Variants in KIF18B observed in about 807,000 individuals in gnomAD.
KIF18B encodes the protein kinesin-like protein KIF18B.
Under a neutral mutation model 80.9 loss-of-function variants are expected in KIF18B, and 49 were observed. The ratio of observed to expected loss-of-function variants is 0.61; its 90% CI spans 0.48 to 0.77. The LOEUF is 0.77. Ranked by LOEUF, KIF18B falls within the 30% of genes least tolerant of loss-of-function variation. KIF18B has a pLI of 0.00. For synonymous variants in KIF18B, 439 were observed against 463.9 expected, an observed-to-expected ratio of 0.95 and a Z score of 0.69; for missense variants, 994 against 1,127.7, an observed-to-expected ratio of 0.88 and a Z score of 1.70.
At chr17:44,936,604 A>T (rs1365012287) in intron 1 of KIF18B, among the ~76,000 whole-genome samples, 1 of 51,556 alleles carries the variant, frequency 1.9e-5, no homozygotes, top group Non-Finnish European at 3.7e-5. Flanking sequence ...CTCTCTATAT[A>T]TATATATATA....
In KIF18B at chr17:44,925,760, G is replaced by A. The variant is rs536412189; in HGVS notation, c.*320C>T. On this transcript the variant is annotated 3_prime_UTR_variant, in exon 16 of 16. Transcript: ENST00000593135. ...CGTACCACTGCACTCCAGCCTGGGC[G>A]ACAGAGTAAGACTCCATCTCAAAAC... 30 of 335,938 alleles carry A rather than the reference G, an allele frequency of 8.9e-5. No individual in the cohort carries two copies. Among genetic ancestry groups the A allele is most frequent in the South Asian group, 5.0e-4 (18 of 36,260 alleles). The allele number at this position is 335,938 out of a possible 1,614,324, so 20.8% of individuals were successfully genotyped here. A position where few individuals can be genotyped will look rare whatever the true frequency, so the allele number is the denominator to read the frequency against.
intron 2 of KIF18B, 34 bp from the exon 3 acceptor site, chr17:44,935,450 T>C: frequency 1.9e-6 from 3 of 1,559,390 alleles, no homozygotes; most frequent in African/African-American, 1.4e-5. Flanking sequence ...AGGACCCCAG[T>C]GCCTTGCCAC....
At chr17:44,933,025 C>T (rs1464112771) in intron 7 of KIF18B, 39 bp from the exon 8 acceptor site, 1 of 1,578,908 alleles carries the variant, frequency 6.3e-7, no homozygotes, top group South Asian at 1.1e-5. Context: ...TTTGTTCATT[C>T]AAAGCAGCTT....
intron 10 of KIF18B, 134 bp from the exon 11 acceptor site, chr17:44,931,863 C>T: frequency 7.9e-7 from 1 of 1,271,506 alleles, no homozygotes; most frequent in Non-Finnish European, 1.1e-6. Flanking sequence ...TGGTCACTTC[C>T]AAACACACAA....
intron 2 of KIF18B, among the ~76,000 whole-genome samples, 181 bp downstream of exon 2, chr17:44,935,851 C>A (rs1567794674): frequency 6.6e-6 from 1 of 152,160 alleles, no homozygotes; most frequent in Non-Finnish European, 1.5e-5. Context: ...AGAGTGCCTC[C>A]CCCATAGACT....
chr17:44,939,826 T>G (rs78763692), intron 1 of KIF18B, among the ~76,000 whole-genome samples: 8,889 of 152,294 alleles, frequency 0.058, 374 homozygotes, highest in Middle Eastern at 0.085. Context: ...TATTTTTATT[T>G]TTTTTTTAGA....
At chr17:44,946,666 C>T (rs1567803051) in intron 1 of KIF18B, among the ~76,000 whole-genome samples, 1 of 152,174 alleles carries the variant, frequency 6.6e-6, no homozygotes. Flanking sequence ...CCAGTGTCTT[C>T]AGTAAAATCC....
At chr17:44,933,688 T>G (rs376682622) in intron 7 of KIF18B, among the ~76,000 whole-genome samples, 1 of 152,102 alleles carries the variant, frequency 6.6e-6, no homozygotes, top group East Asian at 1.9e-4. Flanking sequence ...AGATGGGGTT[T>G]CATCATGCTG....
chr17:44,936,590 CTCTCTCTCTA>C (rs1365553789), intron 1 of KIF18B, among the ~76,000 whole-genome samples: 317 of 58,990 alleles, frequency 5.4e-3, no homozygotes, highest in South Asian at 7.7e-3. Context: ...CTCTCTCTCT[CTCTCTCTCTA>C]TATATATATA....
chr17:44,935,906 CA>C lies in KIF18B; in HGVS notation c.313+125del, dbSNP rs1597887132. On this transcript the variant is annotated intron_variant, in intron 2 of 15. Coordinates refer to ENST00000593135, the MANE Select transcript of KIF18B (RefSeq NM_001265577.2). ...CCACAGAGCATGATGGGACATTGTA[CA>C]AAACTCCTTAGTAAATCGTGCCCAG... 1.2e-5 allele frequency: 10 copies of C among 807,446 alleles called. No homozygotes were observed. The East Asian group carries it at 2.6e-4, about 21-fold the overall frequency. 50.0% of individuals were successfully genotyped at this position (807,446 alleles called of 1,614,324 possible).
In KIF18B at chr17:44,935,429, TAGTA is replaced by T; in HGVS notation, c.314-17_314-14del. 2 of 1,588,720 alleles carry T rather than the reference TAGTA, an allele frequency of 1.3e-6. No homozygotes were observed. Among genetic ancestry groups the T allele is most frequent in the Non-Finnish European group, 1.7e-6 (2 of 1,165,418 alleles). On this transcript the variant is annotated splice_polypyrimidine_tract_variant and intron_variant, in intron 2 of 15. Coordinates refer to ENST00000593135, the MANE Select transcript of KIF18B (RefSeq NM_001265577.2). ...CCGTAGGCAAACACTGCAGAGGACA[TAGTA>T]AGGAGGAGGACCCCAGTGCCTTGCC... is the stretch of plus-strand genomic sequence containing the variant.
At chr17:44,943,872 A>C (rs2052464642) in intron 1 of KIF18B, among the ~76,000 whole-genome samples, 2 of 152,072 alleles carry the variant, frequency 1.3e-5, no homozygotes, top group Non-Finnish European at 1.5e-5. Flanking sequence ...GTGTGCCACC[A>C]TCCCTGGCTA....
intron 7 of KIF18B, 77 bp downstream of exon 7, chr17:44,933,846 A>AG: frequency 7.3e-7 from 1 of 1,367,300 alleles, no homozygotes; most frequent in Non-Finnish European, 9.9e-7. Context: ...GATCTATTGG[A>AG]GCTGCCTGGG....
At chr17:44,935,119 C>T in intron 3 of KIF18B, 140 bp downstream of exon 3, 3 of 970,420 alleles carry the variant, frequency 3.1e-6, no homozygotes, top group Non-Finnish European at 4.5e-6. Flanking sequence ...TGCAGCATCT[C>T]ACTGAGCAGT....
At chr17:44,947,113 C>CAAAAAAAAAAAAAAAAAAAAAA (rs57955845) in intron 1 of KIF18B, among the ~76,000 whole-genome samples, 7 of 54,006 alleles carry the variant, frequency 1.3e-4, no homozygotes, top group East Asian at 5.2e-4. Flanking sequence ...ACTCCATCTC[C>CAAAAAAAAAAAAAAAAAAAAAA]AAAAAAAAAA....
intron 14 of KIF18B, 104 bp from the exon 15 acceptor site, chr17:44,926,603 G>T: frequency 8.6e-7 from 1 of 1,162,970 alleles, no homozygotes. Flanking sequence ...AGCCCTGAGA[G>T]CAAAGGCTGC....
In KIF18B at chr17:44,927,025, G is replaced by T. The variant is rs2145666154; in HGVS notation, c.2330C>A (p.Pro777His). ...MKGPKPTSSL[P>H]GTSACKKKRV... Reference sequence around the variant, plus strand: ...CTTCTTCTTGCAGGCAGAGGTCCCAGGGAGGGAAGATGTTGGCTTGGGGCC... The same window carrying T: ...CTTCTTCTTGCAGGCAGAGGTCCCATGGAGGGAAGATGTTGGCTTGGGGCC... Residue 777 changes from proline to histidine, a missense_variant, in exon 14 of 16, where the codon CCT becomes CAT. Transcript: ENST00000593135. This position sits in a 1 kb window ranked among gnomAD's most constrained non-coding sequence, Gnocchi z 4.1. 1.2e-6 allele frequency: 2 copies of T among 1,612,860 alleles called. No homozygotes were observed. The highest frequency in any genetic ancestry group is 2.2e-5 in the East Asian group (1 of 44,872).
intron 11 of KIF18B, among the ~76,000 whole-genome samples, chr17:44,930,991 C>T (rs2052133504): frequency 6.6e-6 from 1 of 152,090 alleles, no homozygotes; most frequent in South Asian, 2.1e-4. Context: ...TAGCATGAAG[C>T]GTGCTGGGGA....
chr17:44,943,535 A>G (rs1296172513), intron 1 of KIF18B, among the ~76,000 whole-genome samples: 1 of 152,120 alleles, frequency 6.6e-6, no homozygotes, highest in Non-Finnish European at 1.5e-5. Flanking sequence ...ACAATATTGA[A>G]TAAAAGCAGT....
Sources: allele counts gnomAD v4.1 joint callset (sites outside exome capture counted in the v4.1 genomes callset), GRCh38; gene constraint gnomAD v4.1.1; non-coding constraint Gnocchi (gnomAD v3.1); transcripts MANE v1.5; gene names NCBI Gene and HGNC (gene_info 2026-07-23, HGNC 2026-07-21).